Variants in NFIB observed in about 807,000 individuals in gnomAD.
The protein encoded by NFIB is nuclear factor 1 B-type.
In NFIB, 11 loss-of-function variants were observed where a neutral mutation model predicts 61.5. The ratio of observed to expected loss-of-function variants is 0.18; its 90% CI spans 0.11 to 0.30. NFIB has a LOEUF of 0.30. NFIB is among the 10% of genes least tolerant of loss of function. The probability of loss-of-function intolerance (pLI) is 1.00; values close to 1 mark genes in which losing one functional copy is unlikely to be tolerated. For synonymous variants in NFIB, 260 were observed against 216.5 expected (o/e 1.20, Z -1.76); for missense variants, 471 against 608.9 (o/e 0.77, Z 2.38).
chr9:14,370,057 T>C (rs2061341631), intron 1 of NFIB, among the ~76,000 whole-genome samples: 2 of 152,248 alleles, frequency 1.3e-5, no homozygotes, highest in Admixed American at 1.3e-4. Context: ...TTAGCTATTT[T>C]GAACCATTCG....
At chr9:14,447,809 T>C in the NFIB span, among the ~76,000 whole-genome samples, 1 of 152,172 alleles carries the variant, frequency 6.6e-6, no homozygotes, top group Non-Finnish European at 1.5e-5. Flanking sequence ...GAGTTCATGT[T>C]CATTTGTTTC....
At chr9:14,495,446 CT>C in the NFIB span, among the ~76,000 whole-genome samples, 440 of 117,244 alleles carry the variant, frequency 3.8e-3, 13 homozygotes, top group African/African-American at 0.01. Flanking sequence ...GAGAAATGAA[CT>C]TTTTTTTTTT....
chr9:14,352,197 C>T (rs928700760), intron 1 of NFIB, among the ~76,000 whole-genome samples: 2 of 151,726 alleles, frequency 1.3e-5, no homozygotes, highest in Non-Finnish European at 2.9e-5. Context: ...TAATAGAAAA[C>T]AGCATAAAAT....
chr9:14,523,452 C>A, the NFIB span, among the ~76,000 whole-genome samples: 3 of 152,040 alleles, frequency 2.0e-5, no homozygotes, highest in Non-Finnish European at 2.9e-5. Context: ...GTTATTCCTG[C>A]GTGTGCCTCT....
At chr9:14,261,300 G>A (rs556017442) in intron 2 of NFIB, among the ~76,000 whole-genome samples, 1 of 152,232 alleles carries the variant, frequency 6.6e-6, no homozygotes, top group East Asian at 1.9e-4. Flanking sequence ...CTGGGCAATA[G>A]AGCAGGACTC....
intron 4 of NFIB, among the ~76,000 whole-genome samples, chr9:14,153,847 T>C (rs1018271010): frequency 6.6e-6 from 1 of 152,162 alleles, no homozygotes; most frequent in African/African-American, 2.4e-5. Context: ...ACAAAGATTA[T>C]GATGCGGATA....
intron 5 of NFIB, among the ~76,000 whole-genome samples, chr9:14,147,559 G>A (rs1230995451): frequency 2.0e-5 from 3 of 146,388 alleles, no homozygotes. Flanking sequence ...TTAAAACTTA[G>A]ATTATTGATT....
Position 14,125,514 on chromosome 9 carries a change from T to A in NFIB, c.1060+118A>T, listed in dbSNP as rs2039530409. On this transcript the variant is annotated intron_variant, in intron 7 of 10. Transcript: ENST00000380953. ...CTTGATCGGATTGTGCCCCTCACCATATGGGTTGAGAAAATATGGTTGCCA... is the reference window on the plus strand; with the variant it reads ...CTTGATCGGATTGTGCCCCTCACCAAATGGGTTGAGAAAATATGGTTGCCA... The A allele has an allele frequency of 2.2e-6, 3 of 1,393,520 alleles. No individual in the cohort carries two copies. In the African/African-American group the frequency reaches 4.4e-5, roughly 20 times the overall value. 86.3% of individuals were successfully genotyped at this position (1,393,520 alleles called of 1,614,324 possible).
chr9:14,345,720 G>A (rs1471620274), intron 1 of NFIB, among the ~76,000 whole-genome samples: 1 of 152,170 alleles, frequency 6.6e-6, no homozygotes, highest in Non-Finnish European at 1.5e-5. Context: ...AAAGCCCAGT[G>A]TGTCAACCGC....
At chr9:14,131,565 G>A (rs189104292) in intron 6 of NFIB, among the ~76,000 whole-genome samples, 15 of 152,232 alleles carry the variant, frequency 9.9e-5, no homozygotes, top group Admixed American at 6.5e-4. Flanking sequence ...CACAAATTGC[G>A]CTCCAGATGT....
intron 1 of NFIB, among the ~76,000 whole-genome samples, chr9:14,386,628 G>A (rs1191963539): frequency 6.6e-6 from 1 of 150,624 alleles, no homozygotes; most frequent in African/African-American, 2.4e-5. Flanking sequence ...ATCAATCAGT[G>A]TTATTATTTC....
intron 2 of NFIB, among the ~76,000 whole-genome samples, chr9:14,181,672 T>C (rs974278108): frequency 1.3e-5 from 2 of 152,212 alleles, no homozygotes; most frequent in Admixed American, 6.5e-5. Flanking sequence ...AGCATTGATA[T>C]TACATTCCAG....
At chr9:14,390,007 A>G (rs2061601436) in intron 1 of NFIB, among the ~76,000 whole-genome samples, 2 of 152,190 alleles carry the variant, frequency 1.3e-5, no homozygotes, top group Non-Finnish European at 2.9e-5. Context: ...CTTATTTTAG[A>G]TTAGAACTAC....
At chr9:14,141,447 G>T (rs2041688762) in intron 6 of NFIB, among the ~76,000 whole-genome samples, 1 of 152,154 alleles carries the variant, frequency 6.6e-6, no homozygotes, top group African/African-American at 2.4e-5. Flanking sequence ...TTTATGTAAA[G>T]ATTTACGGCT....
intron 3 of NFIB, among the ~76,000 whole-genome samples, chr9:14,179,281 T>C (rs1307991810): frequency 6.6e-6 from 1 of 152,138 alleles, no homozygotes; most frequent in Admixed American, 6.6e-5. Context: ...ATAAAAAGTC[T>C]TGCAAAAATC....
At chr9:14,089,755 A>G (rs2033563062) in intron 10 of NFIB, among the ~76,000 whole-genome samples, 2 of 152,178 alleles carry the variant, frequency 1.3e-5, no homozygotes, top group Admixed American at 1.3e-4. Context: ...TCATTTGTTC[A>G]TATTTGAATT....
chr9:14,477,015 T>C, the NFIB span, among the ~76,000 whole-genome samples: 2 of 152,216 alleles, frequency 1.3e-5, no homozygotes, highest in African/African-American at 4.8e-5. Flanking sequence ...TACCAGAATA[T>C]ATATGATTTC....
chr9:14,132,416 T>C (rs1586909663), intron 6 of NFIB, among the ~76,000 whole-genome samples: 1 of 152,318 alleles, frequency 6.6e-6, no homozygotes, highest in Non-Finnish European at 1.5e-5. Context: ...ACGTTAAGGT[T>C]TGTTTTATTG....
chr9:14,347,678 C>T (rs1013245234), intron 1 of NFIB, among the ~76,000 whole-genome samples: 2 of 152,098 alleles, frequency 1.3e-5, no homozygotes, highest in Non-Finnish European at 2.9e-5. Context: ...GTCCCAGAGG[C>T]ACTGGGGGGT....
Sources: gnomAD v4.1 joint callset for allele counts (sites outside exome capture counted in the v4.1 genomes callset) on GRCh38, gnomAD v4.1.1 for gene constraint, MANE v1.5 for transcripts, NCBI Gene and HGNC (gene_info 2026-07-23, HGNC 2026-07-21) for gene names.